Variants in ETS1 observed in about 807,000 individuals in gnomAD.
The protein encoded by ETS1 is ETS proto-oncogene 1, transcription factor.
Under a neutral mutation model 58.6 loss-of-function variants are expected in ETS1, and 15 were observed. The ratio of observed to expected loss-of-function variants is 0.26; its 90% CI spans 0.17 to 0.39. ETS1 has a LOEUF of 0.39. ETS1 is among the 10% of genes least tolerant of loss of function. ETS1 has a pLI of 1.00. For missense variants in ETS1, 417 were observed against 610.5 expected (o/e 0.68, Z 3.34); for synonymous variants, 214 against 218.2 (o/e 0.98, Z 0.17).
chr11:128,538,755 T>TACACACATAC (rs1864009403), intron 3 of ETS1, among the ~76,000 whole-genome samples: 1 of 144,864 alleles, frequency 6.9e-6, no homozygotes, highest in Non-Finnish European at 1.6e-5. Flanking sequence ...CATACACACA[T>TACACACATAC]ACACACACAC....
At position 128,458,777 on chromosome 11, in the gene ETS1, T is replaced by A. The variant is rs751574787; in HGVS notation, c.*3584A>T. ...CAAAGCCACAGCATTATGAATGAAA[T>A]TCTTTGTTTTTAATTTCACACAGTT... On this transcript the variant is annotated 3_prime_UTR_variant, in exon 10 of 10. Transcript: ENST00000392668. This position sits in a 1 kb window ranked among gnomAD's most constrained non-coding sequence, Gnocchi z 4.3. The A allele has an allele frequency of 5.9e-5, 9 of 152,772 alleles. No homozygotes were observed. Among genetic ancestry groups the A allele is most frequent in the Admixed American group, 5.9e-4 (9 of 15,284 alleles). The allele number at this position is 152,772 out of a possible 1,614,324, so 9.5% of individuals were successfully genotyped here. A position where few individuals can be genotyped will look rare whatever the true frequency, so the allele number is the denominator to read the frequency against.
chr11:128,491,761 A>G (rs921830312), intron 3 of ETS1, among the ~76,000 whole-genome samples: 6 of 152,244 alleles, frequency 3.9e-5, no homozygotes, highest in Non-Finnish European at 5.9e-5. Context: ...AACATAAGTG[A>G]ACATGACTTC....
At chr11:128,471,111 A>G (rs547173658) in intron 8 of ETS1, among the ~76,000 whole-genome samples, 1 of 152,302 alleles carries the variant, frequency 6.6e-6, no homozygotes, top group South Asian at 2.1e-4. Flanking sequence ...AGCAAGTTCA[A>G]CACCGTTCCC....
chr11:128,526,488 A>G (rs548316936), intron 3 of ETS1: 1 of 181,488 alleles, frequency 5.5e-6, no homozygotes, highest in South Asian at 9.5e-5. Context: ...AAGATCTAGT[A>G]TACGGTAGAA....
chr11:128,555,912 G>A (rs374492527), intron 3 of ETS1, among the ~76,000 whole-genome samples: 38 of 152,308 alleles, frequency 2.5e-4, no homozygotes, highest in African/African-American at 3.8e-4. Context: ...GATGATCATC[G>A]AAAGAAAGCA....
intron 3 of ETS1, among the ~76,000 whole-genome samples, chr11:128,492,781 G>C (rs181345836): frequency 1.0e-3 from 153 of 151,982 alleles, no homozygotes; most frequent in African/African-American, 3.4e-3. Context: ...TCTTCCCTTA[G>C]AGTAGAAATC....
intron 3 of ETS1, among the ~76,000 whole-genome samples, chr11:128,548,809 C>T (rs1864179964): frequency 6.6e-6 from 1 of 152,224 alleles, no homozygotes; most frequent in African/African-American, 2.4e-5. Context: ...CCGGGGTTAA[C>T]CCTCCCGCCC....
At chr11:128,475,388 T>A (rs1862293648) in intron 8 of ETS1, among the ~76,000 whole-genome samples, 1 of 152,164 alleles carries the variant, frequency 6.6e-6, no homozygotes, top group African/African-American at 2.4e-5. Flanking sequence ...GGGTTACTGA[T>A]CCCTAAAACT....
At chr11:128,538,144 A>G (rs1863997984) in intron 3 of ETS1, among the ~76,000 whole-genome samples, 1 of 152,180 alleles carries the variant, frequency 6.6e-6, no homozygotes, top group Admixed American at 6.5e-5. Context: ...AAAAAAATTA[A>G]TGTCTTAAGC....
At chr11:128,561,118 A>T (rs941278299) in intron 2 of ETS1, among the ~76,000 whole-genome samples, 3 of 152,134 alleles carry the variant, frequency 2.0e-5, no homozygotes, top group African/African-American at 7.2e-5. Context: ...CCCTTGGGCA[A>T]TGAGGATGGT....
intron 3 of ETS1, among the ~76,000 whole-genome samples, chr11:128,531,751 G>C (rs1169842274): frequency 6.6e-6 from 1 of 152,154 alleles, no homozygotes; most frequent in Non-Finnish European, 1.5e-5. Flanking sequence ...TCTCTGGATT[G>C]CACGTTTGAT....
At chr11:128,472,656 C>G (rs1267918629) in intron 8 of ETS1, among the ~76,000 whole-genome samples, 1 of 152,180 alleles carries the variant, frequency 6.6e-6, no homozygotes, top group Non-Finnish European at 1.5e-5. Context: ...GGACTGAGCA[C>G]AGTGAGGGCA....
At chr11:128,581,080 G>A (rs1864861558) in intron 1 of ETS1, among the ~76,000 whole-genome samples, 1 of 152,170 alleles carries the variant, frequency 6.6e-6, no homozygotes, top group South Asian at 2.1e-4. Flanking sequence ...TACCATAGCA[G>A]TTAAGAAATA....
intron 2 of ETS1, among the ~76,000 whole-genome samples, chr11:128,569,761 C>T (rs1350399292): frequency 6.6e-6 from 1 of 152,094 alleles, no homozygotes; most frequent in Non-Finnish European, 1.5e-5. Context: ...GGCTTCTTTG[C>T]TTGCTCTGGA....
intron 3 of ETS1, among the ~76,000 whole-genome samples, chr11:128,505,726 C>T (rs1167392982): frequency 6.6e-6 from 1 of 152,120 alleles, no homozygotes; most frequent in Non-Finnish European, 1.5e-5. Context: ...ATGCAAAAGG[C>T]GGAGGGAGCT....
intron 8 of ETS1, among the ~76,000 whole-genome samples, chr11:128,469,024 G>C (rs371219418): frequency 1.3e-5 from 2 of 152,150 alleles, no homozygotes; most frequent in African/African-American, 2.4e-5. Context: ...CTGAAGAAAG[G>C]CATATGGATT....
intron 1 of ETS1, among the ~76,000 whole-genome samples, chr11:128,576,899 C>G (rs1024508229): frequency 1.3e-5 from 2 of 152,164 alleles, no homozygotes; most frequent in African/African-American, 4.8e-5. Context: ...GTTATTGCAG[C>G]CTGGAATCCT....
intron 3 of ETS1, among the ~76,000 whole-genome samples, chr11:128,521,305 G>A (rs183369255): frequency 1.3e-5 from 2 of 152,168 alleles, no homozygotes; most frequent in African/African-American, 2.4e-5. Context: ...AGAAACATGG[G>A]TAAAGTAAGT....
intron 3 of ETS1, among the ~76,000 whole-genome samples, chr11:128,533,722 T>C (rs1301322157): frequency 6.6e-6 from 1 of 152,248 alleles, no homozygotes; most frequent in Non-Finnish European, 1.5e-5. Context: ...CACTTCCTAC[T>C]CTGTGCTCTC....
Sources: gnomAD v4.1 joint callset for allele counts (sites outside exome capture counted in the v4.1 genomes callset) on GRCh38, gnomAD v4.1.1 for gene constraint, Gnocchi (gnomAD v3.1) non-coding constraint, MANE v1.5 for transcripts, NCBI Gene and HGNC (gene_info 2026-07-23, HGNC 2026-07-21) for gene names.